WRN: variants seen among roughly 807,000 people sequenced by gnomAD.
WRN encodes bifunctional 3'-5' exonuclease/ATP-dependent helicase WRN.
A neutral mutation model predicts 180.7 loss-of-function variants in WRN; 149 were observed. The ratio of observed to expected loss-of-function variants is 0.82; its 90% CI spans 0.72 to 0.94. WRN has a LOEUF of 0.94. Ranked by LOEUF, WRN falls within the 40% of genes least tolerant of loss-of-function variation. The pLI is 0.00. For synonymous variants in WRN, 548 were observed against 568.9 expected (o/e 0.96, Z 0.52); for missense variants, 1,661 against 1,700.1 (o/e 0.98, Z 0.40).
intron 15 of WRN, 106 bp downstream of exon 15, chr8:31,091,048 C>T: frequency 1.1e-6 from 1 of 871,412 alleles, no homozygotes; most frequent in Non-Finnish European, 1.9e-6. Flanking sequence ...TAACACATTT[C>T]TGCAGGTATT....
intron 12 of WRN, 92 bp downstream of exon 12, chr8:31,088,012 G>A (rs1585437192): frequency 6.5e-7 from 1 of 1,546,488 alleles, no homozygotes; most frequent in East Asian, 2.4e-5. Context: ...TGGAGGTCAG[G>A]GACTTTGTGG....
intron 33 of WRN, among the ~76,000 whole-genome samples, chr8:31,159,751 C>T (rs1316029718): frequency 6.6e-6 from 1 of 151,900 alleles, no homozygotes; most frequent in Non-Finnish European, 1.5e-5. Flanking sequence ...TCAAGACCAG[C>T]CTGGCCAACA....
intron 13 of WRN, among the ~76,000 whole-genome samples, chr8:31,089,506 C>G (rs1319761649): frequency 6.6e-6 from 1 of 151,970 alleles, no homozygotes; most frequent in Admixed American, 6.6e-5. Context: ...TGGATTTTTC[C>G]TATTCTGAGA....
chr8:31,142,467 G>T (rs1802679030), intron 26 of WRN, among the ~76,000 whole-genome samples, 159 bp from the exon 27 acceptor site: 1 of 151,914 alleles, frequency 6.6e-6, no homozygotes, highest in African/African-American at 2.4e-5. Flanking sequence ...ACATCTTAAA[G>T]CTTCCAGAGC....
At chr8:31,047,755 T>C (rs933422346) in intron 1 of WRN, among the ~76,000 whole-genome samples, 2 of 152,212 alleles carry the variant, frequency 1.3e-5, no homozygotes, top group African/African-American at 2.4e-5. Context: ...TTGAAAACTT[T>C]CCCTGCAATT....
chr8:31,118,024 A>C (rs980138401), intron 20 of WRN, among the ~76,000 whole-genome samples: 1 of 152,170 alleles, frequency 6.6e-6, no homozygotes, highest in Non-Finnish European at 1.5e-5. Flanking sequence ...GGTTTCTTCT[A>C]TCTTAATGTA....
intron 33 of WRN, among the ~76,000 whole-genome samples, chr8:31,166,464 A>T (rs1224876546): frequency 1.3e-5 from 2 of 152,188 alleles, no homozygotes; most frequent in African/African-American, 4.8e-5. Flanking sequence ...AAAATAAGAA[A>T]TATGTTCCCA....
chr8:31,068,374 GT>G (rs779898976), intron 7 of WRN, 47 bp downstream of exon 7: 1 of 1,477,892 alleles, frequency 6.8e-7, no homozygotes, highest in Admixed American at 1.8e-5. Context: ...CTTTTGTGAG[GT>G]TTATCTCCAA....
chr8:31,155,416 G>A (rs1399283625), intron 32 of WRN, among the ~76,000 whole-genome samples: 2 of 152,004 alleles, frequency 1.3e-5, no homozygotes, highest in African/African-American at 4.8e-5. Flanking sequence ...TGAGGCCAGG[G>A]ATTTGAGACC....
intron 26 of WRN, 93 bp downstream of exon 26, chr8:31,141,868 A>G: frequency 2.5e-6 from 3 of 1,221,510 alleles, no homozygotes; most frequent in Non-Finnish European, 3.5e-6. Flanking sequence ...TCTCACAAGT[A>G]AAATGAATTA....
chr8:31,149,155 T>C (rs1208447158), intron 30 of WRN, among the ~76,000 whole-genome samples: 1 of 152,070 alleles, frequency 6.6e-6, no homozygotes, highest in Non-Finnish European at 1.5e-5. Flanking sequence ...CCCAGGACTT[T>C]GGGAGGCCGA....
chr8:31,060,401 A>G lies in WRN; in HGVS notation c.209+1136A>G, dbSNP rs1235876798. Among the ~76,000 whole-genome samples, 13 of 152,200 alleles carry G rather than the reference A, an allele frequency of 8.5e-5. No homozygotes were observed. In the East Asian group the frequency reaches 2.5e-3, roughly 30 times the overall value. On this transcript the variant is annotated intron_variant, in intron 3 of 34. Transcript: ENST00000298139. ...TAGTAAGACCCCCATCTCTACAAAA[A>G]AATTTAAAAATTAGCCAGGTGTCTG...
At chr8:31,067,350 C>T (rs538000653) in intron 6 of WRN, among the ~76,000 whole-genome samples, 168 bp downstream of exon 6, 1 of 152,044 alleles carries the variant, frequency 6.6e-6, no homozygotes, top group Admixed American at 6.6e-5. Context: ...TATTCATTTT[C>T]GATATTAATT....
chr8:31,102,878 C>G (rs1800937025), intron 18 of WRN, among the ~76,000 whole-genome samples: 1 of 151,980 alleles, frequency 6.6e-6, no homozygotes, highest in Non-Finnish European at 1.5e-5. Context: ...ATTCATAAAC[C>G]TAAAACATTT....
chr8:31,081,338 T>G lies in WRN; in HGVS notation c.1269+42T>G, dbSNP rs112813210. On this transcript the variant is annotated intron_variant, in intron 9 of 34. Coordinates refer to ENST00000298139, the MANE Select transcript of WRN (RefSeq NM_000553.6). Reference sequence around the variant, plus strand: ...AAGCACATTTTTAGTTATTAGTAGGTTCTGGCAGACTTTATTCCCGTAAAG... The same window carrying G: ...AAGCACATTTTTAGTTATTAGTAGGGTCTGGCAGACTTTATTCCCGTAAAG... The G allele has an allele frequency of 4.7e-5, 75 of 1,601,952 alleles. No individual in the cohort carries two copies. The African/African-American group carries it at 8.0e-4, about 17-fold the overall frequency.
In WRN at chr8:31,107,106, C is replaced by T. The variant is rs73670449; in HGVS notation, c.2089-4509C>T. Reference sequence around the variant, plus strand: ...AAGGAGTTTAGATTCATACCTATAACAGTAGAAGTAATAGCACCAAATGAA... The same window carrying T: ...AAGGAGTTTAGATTCATACCTATAATAGTAGAAGTAATAGCACCAAATGAA... On this transcript the variant is annotated intron_variant, in intron 18 of 34. Transcript: ENST00000298139. 6.9e-3 allele frequency among the ~76,000 whole-genome samples: 1,047 copies of T among 152,220 alleles called. 9 individuals are homozygous for T. Among genetic ancestry groups the T allele is most frequent in the African/African-American group, 0.024 (989 of 41,518 alleles).
intron 18 of WRN, 41 bp from the exon 19 acceptor site, chr8:31,111,574 G>T: frequency 6.2e-7 from 1 of 1,602,738 alleles, no homozygotes; most frequent in South Asian, 1.1e-5. Flanking sequence ...GGGAATGAAT[G>T]AGCTCTTTCC....
At chr8:31,106,869 G>A (rs1801118336) in intron 18 of WRN, among the ~76,000 whole-genome samples, 1 of 152,154 alleles carries the variant, frequency 6.6e-6, no homozygotes, top group African/African-American at 2.4e-5. Flanking sequence ...TGGCTTATAG[G>A]AGGTGCTCAA....
intron 34 of WRN, among the ~76,000 whole-genome samples, chr8:31,169,616 A>G (rs1412433803): frequency 6.6e-6 from 1 of 152,114 alleles, no homozygotes; most frequent in African/African-American, 2.4e-5. Flanking sequence ...TTCGTATGAG[A>G]TTAGTTTTCC....
Sources: gnomAD v4.1 joint callset for allele counts (sites outside exome capture counted in the v4.1 genomes callset) on GRCh38, gnomAD v4.1.1 for gene constraint, MANE v1.5 for transcripts, NCBI Gene and HGNC (gene_info 2026-07-23, HGNC 2026-07-21) for gene names.